CNTNAP3B: variants seen among roughly 807,000 people sequenced by gnomAD.
CNTNAP3B encodes contactin-associated protein-like 3B.
CNTNAP3B carries 25 observed loss-of-function variants against 108.9 expected under a neutral mutation model. The observed-to-expected ratio is 0.23, with a 90% CI of 0.17 to 0.32. CNTNAP3B has a LOEUF of 0.32. CNTNAP3B is among the 10% of genes least tolerant of loss of function. The pLI, the probability that CNTNAP3B is intolerant of heterozygous loss-of-function variation, is 1.00. For missense variants in CNTNAP3B, 252 were observed against 1,210.4 expected, an observed-to-expected ratio of 0.21 and a Z score of 11.75; for synonymous variants, 103 against 473.4, an observed-to-expected ratio of 0.22 and a Z score of 10.16.
chr9:42,108,116 A>G (rs1828118971), intron 1 of CNTNAP3B, among the ~76,000 whole-genome samples: 1 of 139,192 alleles, frequency 7.2e-6, no homozygotes, highest in African/African-American at 2.9e-5. Context: ...AGAATTGTAC[A>G]CTACTGAGTC....
At chr9:41,936,175 G>T (rs1210901968) in intron 14 of CNTNAP3B, among the ~76,000 whole-genome samples, 113 of 152,330 alleles carry the variant, frequency 7.4e-4, no homozygotes, top group Non-Finnish European at 1.1e-3. Context: ...TACTCGGGAG[G>T]CTGAGGCAGG....
Position 42,125,377 on chromosome 9 carries a change from G to A in CNTNAP3B, c.85+3633C>T, listed in dbSNP as rs557415920. On this transcript the variant is annotated intron_variant, in intron 1 of 23. Coordinates refer to ENST00000377561, the MANE Select transcript of CNTNAP3B (RefSeq NM_001201380.3). ...TCCAGGTCCCCACCCTTGCTATACTGTGGATGCTTTCCTTACCCTGCTGGT... is the reference window on the plus strand; with the variant it reads ...TCCAGGTCCCCACCCTTGCTATACTATGGATGCTTTCCTTACCCTGCTGGT... 4.2e-5 allele frequency among the ~76,000 whole-genome samples: 6 copies of A among 141,698 alleles called. No homozygotes were observed. In the South Asian group the frequency reaches 1.1e-3, roughly 27 times the overall value. 93.0% of individuals were successfully genotyped at this position (141,698 alleles called of 152,430 possible).
chr9:42,035,195 C>T (rs1169214986), intron 3 of CNTNAP3B, among the ~76,000 whole-genome samples: 1 of 126,896 alleles, frequency 7.9e-6, no homozygotes, highest in Non-Finnish European at 1.7e-5. Context: ...GTACTTGGGA[C>T]CTCTTTACCC....
chr9:42,090,842 C>T (rs1180403056), intron 2 of CNTNAP3B, among the ~76,000 whole-genome samples: 1 of 6,058 alleles, frequency 1.7e-4, no homozygotes, highest in African/African-American at 3.6e-4. Flanking sequence ...CAACTGAATA[C>T]ACACACACAC....
At chr9:41,949,902 T>C (rs1469942620) in intron 13 of CNTNAP3B, among the ~76,000 whole-genome samples, 3 of 152,160 alleles carry the variant, frequency 2.0e-5, no homozygotes, top group African/African-American at 4.8e-5. Flanking sequence ...ATTAAAACTT[T>C]TGCTCTAAAA....
At chr9:42,115,880 A>T (rs1828303895) in intron 1 of CNTNAP3B, among the ~76,000 whole-genome samples, 1 of 125,532 alleles carries the variant, frequency 8.0e-6, no homozygotes, top group Admixed American at 8.2e-5. Flanking sequence ...TGACGAGTTG[A>T]GAGAAGAAGG....
At chr9:42,117,556 G>A (rs191638000) in intron 1 of CNTNAP3B, among the ~76,000 whole-genome samples, 6 of 140,372 alleles carry the variant, frequency 4.3e-5, no homozygotes, top group Non-Finnish European at 4.6e-5. Context: ...AGCACTAAAT[G>A]CCCACAAAAG....
chr9:41,930,551 C>CA (rs1823947539), intron 14 of CNTNAP3B, among the ~76,000 whole-genome samples: 2 of 151,548 alleles, frequency 1.3e-5, no homozygotes, highest in South Asian at 2.1e-4. Context: ...TCAAAAAATA[C>CA]AAAAAACAAA....
intron 18 of CNTNAP3B, among the ~76,000 whole-genome samples, chr9:41,919,137 C>CT (rs1391449120): frequency 5.7e-4 from 84 of 148,672 alleles, no homozygotes; most frequent in South Asian, 8.4e-4. Context: ...TTTTCCTTTT[C>CT]TTTTTTTTTT....
Position 42,070,678 on chromosome 9 carries a change from A to G in CNTNAP3B, c.390+6191T>C, listed in dbSNP as rs1214180119. 3.9e-5 allele frequency among the ~76,000 whole-genome samples: 6 copies of G among 152,240 alleles called. No individual in the cohort carries two copies. The East Asian group carries it at 1.2e-3, about 29-fold the overall frequency. On this transcript the variant is annotated intron_variant, in intron 3 of 23. Coordinates refer to ENST00000377561, the MANE Select transcript of CNTNAP3B (RefSeq NM_001201380.3). ...CCATCCTTTCCTGCTCTCTCATAGC[A>G]GGTACCGAGTCAGTCCAGACAGCTG...
In CNTNAP3B at chr9:41,929,638, A is replaced by G. The variant is rs573105900; in HGVS notation, c.2238-194T>C. 2.2e-5 allele frequency among the ~76,000 whole-genome samples: 3 copies of G among 139,202 alleles called. No individual in the cohort carries two copies. In the East Asian group the frequency reaches 6.1e-4, roughly 28 times the overall value. The allele number at this position is 139,202 out of a possible 152,430, so 91.3% of individuals were successfully genotyped here. On this transcript the variant is annotated intron_variant, in intron 14 of 23. Transcript: ENST00000377561. ...GGGCAAACATTTTGTGTAAAGGACC[A>G]TACAGTAAGCTGTGCAGGCCATGCA...
At chr9:41,939,685 T>A (rs1392944356) in intron 13 of CNTNAP3B, among the ~76,000 whole-genome samples, 1 of 152,278 alleles carries the variant, frequency 6.6e-6, no homozygotes, top group Non-Finnish European at 1.5e-5. Context: ...TGTCGCAGAT[T>A]AAAGAGCAAA....
chr9:41,924,459 A>G (rs1823753643), intron 15 of CNTNAP3B, among the ~76,000 whole-genome samples: 1 of 152,302 alleles, frequency 6.6e-6, no homozygotes, highest in African/African-American at 2.4e-5. Flanking sequence ...GTGGAGTCTG[A>G]GGTGACTTTG....
intron 2 of CNTNAP3B, among the ~76,000 whole-genome samples, chr9:42,079,504 G>T (rs1208024263): frequency 8.3e-6 from 1 of 120,890 alleles, no homozygotes; most frequent in East Asian, 3.0e-4. Context: ...ATTTTAAGGG[G>T]TTTTGTTTTG....
rs1420759709 is a variant in CNTNAP3B at position 41,925,064 on chromosome 9, G to C, written c.2366-971C>G. ...CTGTTAGTTTCAACTGCCTTGTAAA[G>C]TGGCATTTGTCCAGTTTCTCCAACA... is the stretch of plus-strand genomic sequence containing the variant. On this transcript the variant is annotated intron_variant, in intron 15 of 23. Transcript: ENST00000377561. Among the ~76,000 whole-genome samples the C allele has an allele frequency of 1.5e-4, 23 of 152,078 alleles. No individual in the cohort carries two copies. The East Asian group carries it at 4.3e-3, about 28-fold the overall frequency.
At chr9:41,992,910 T>TTTTG (rs1378455123) in intron 7 of CNTNAP3B, 1 of 28,602 alleles carries the variant, frequency 3.5e-5, no homozygotes, top group African/African-American at 1.0e-4. Context: ...TTTAAATGGT[T>TTTTG]TTTGTTTGTT....
chr9:41,916,502 C>G (rs1298543706), intron 18 of CNTNAP3B, among the ~76,000 whole-genome samples: 2 of 152,188 alleles, frequency 1.3e-5, no homozygotes, highest in Non-Finnish European at 2.9e-5. Flanking sequence ...GTTATTTCCT[C>G]TAATGCAGGC....
chr9:42,071,357 T>C (rs1351099493), intron 3 of CNTNAP3B, among the ~76,000 whole-genome samples: 1 of 142,330 alleles, frequency 7.0e-6, no homozygotes, highest in East Asian at 2.1e-4. Context: ...AGGGGAAAAT[T>C]TCAGAAATAC....
chr9:41,940,772 G>A (rs1361961174), intron 13 of CNTNAP3B, among the ~76,000 whole-genome samples: 1 of 152,032 alleles, frequency 6.6e-6, no homozygotes, highest in East Asian at 1.9e-4. Flanking sequence ...CCGAGATTGT[G>A]CCACTGCACT....
Sources: gnomAD v4.1 joint callset for allele counts (sites outside exome capture counted in the v4.1 genomes callset) on GRCh38, gnomAD v4.1.1 for gene constraint, MANE v1.5 for transcripts, NCBI Gene and HGNC (gene_info 2026-07-23, HGNC 2026-07-21) for gene names.